The following ANKHD1 variants were observed in gnomAD, a reference collection of about 807,000 sequenced individuals.
ANKHD1 encodes ankyrin repeat and KH domain-containing protein 1.
In ANKHD1, 31 loss-of-function variants were observed where a neutral mutation model predicts 230.5. The observed-to-expected ratio is 0.13, with a 90% CI of 0.10 to 0.18. The LOEUF (loss-of-function observed/expected upper bound fraction) is 0.18, where lower values mean the gene tolerates loss of function less well. Ranked by LOEUF, ANKHD1 falls within the 10% of genes least tolerant of loss-of-function variation. The probability of loss-of-function intolerance (pLI) is 1.00; values close to 1 mark genes in which losing one functional copy is unlikely to be tolerated. For synonymous variants in ANKHD1, 1,074 were observed against 1,117.6 expected (o/e 0.96, Z 0.78); for missense variants, 2,256 against 3,071.3 (o/e 0.73, Z 6.27).
chr5:140,485,206 G>A lies in ANKHD1; in HGVS notation c.1956G>A (p.Glu652=), dbSNP rs1165618662. The A allele has an allele frequency of 6.2e-7, 1 of 1,613,906 alleles. No individual in the cohort carries two copies. Among genetic ancestry groups the A allele is most frequent in the Non-Finnish European group, 8.5e-7 (1 of 1,179,910 alleles). The stretch of plus-strand genomic sequence containing the variant: ...CAGGAGGCCACCTGGCAGTTGTTGA[G>A]CTTCTCTTGGCTCATGGGGCTGACC... The part of the protein sequence containing the change: ...ACAGGHLAVV[E]LLLAHGADPT... The change falls in exon 12 of 34, where the codon GAG becomes GAA. Residue 652 remains glutamate (E), a synonymous_variant. Coordinates refer to ENST00000360839, the MANE Select transcript of ANKHD1 (RefSeq NM_017747.3). The surrounding 1 kb of genome is among the most constrained non-coding windows in gnomAD (Gnocchi z 4.8).
chr5:140,479,854 C>A (rs1751188073), intron 10 of ANKHD1, among the ~76,000 whole-genome samples: 1 of 149,386 alleles, frequency 6.7e-6, no homozygotes, highest in South Asian at 2.1e-4. Context: ...ATAATGGGAA[C>A]CAATAATGGG....
intron 23 of ANKHD1, 87 bp from the exon 24 acceptor site, chr5:140,513,276 A>T: frequency 7.5e-7 from 1 of 1,333,336 alleles, no homozygotes; most frequent in Non-Finnish European, 1.0e-6. Context: ...TTTGAACTTT[A>T]ACCTCTGGAC....
At chr5:140,405,948 T>C (rs1770401445) in intron 1 of ANKHD1, among the ~76,000 whole-genome samples, 1 of 151,662 alleles carries the variant, frequency 6.6e-6, no homozygotes, top group African/African-American at 2.4e-5. Flanking sequence ...TTTTCCTAAA[T>C]ATTTATAACC....
In ANKHD1 at chr5:140,402,271, G is replaced by A. The variant is rs1263081231; in HGVS notation, c.304G>A (p.Glu102Lys). 6 of 1,486,334 alleles carry A rather than the reference G, an allele frequency of 4.0e-6. No individual in the cohort carries two copies. The highest frequency in any genetic ancestry group is 5.3e-6 in the Non-Finnish European group (6 of 1,124,612). 92.1% of individuals were successfully genotyped at this position (1,486,334 alleles called of 1,614,324 possible). ...TGGCAGTGACGAGGACGAAGTGTCC[G>A]AGGTAAGGCTCCGGGACCCTCGCCT... ...ASGSDEDEVS[E>K]VESFILDQED... Residue 102 changes from glutamate (E) to lysine (K), a missense_variant and splice_region_variant, in exon 1 of 34, where the codon GAG becomes AAG. Glu to Lys is a moderately conservative substitution (Grantham distance 56). Coordinates refer to ENST00000360839, the MANE Select transcript of ANKHD1 (RefSeq NM_017747.3).
intron 10 of ANKHD1, among the ~76,000 whole-genome samples, chr5:140,479,746 T>TTA (rs775107488): frequency 9.2e-4 from 133 of 144,802 alleles, no homozygotes; most frequent in Middle Eastern, 7.8e-3. Context: ...ATATATATAC[T>TTA]TATATATATA....
At chr5:140,451,772 T>C (rs1561743145) in intron 7 of ANKHD1, among the ~76,000 whole-genome samples, 1 of 152,200 alleles carries the variant, frequency 6.6e-6, no homozygotes, top group Non-Finnish European at 1.5e-5. Context: ...CTTCCCAAAG[T>C]GCTGGGGTTA....
intron 3 of ANKHD1, among the ~76,000 whole-genome samples, chr5:140,439,069 G>A (rs141742738): frequency 3.7e-4 from 57 of 152,054 alleles, no homozygotes; most frequent in African/African-American, 1.3e-3. Context: ...GCAGAATCCC[G>A]GGCCCTACTC....
At chr5:140,435,256 T>G (rs1356118702) in intron 1 of ANKHD1, among the ~76,000 whole-genome samples, 1 of 152,196 alleles carries the variant, frequency 6.6e-6, no homozygotes, top group African/African-American at 2.4e-5. Context: ...TTTCTCTTAA[T>G]GACCTATCTA....
At chr5:140,462,428 A>G (rs1160707619) in intron 9 of ANKHD1, among the ~76,000 whole-genome samples, 1 of 152,116 alleles carries the variant, frequency 6.6e-6, no homozygotes, top group Non-Finnish European at 1.5e-5. Context: ...AATACAAATC[A>G]TCATATAAAA....
rs550497215 is a variant in ANKHD1, at chr5:140,446,029, T to C, written c.1147+54T>C. On this transcript the variant is annotated intron_variant, in intron 6 of 33. Coordinates refer to ENST00000360839, the MANE Select transcript of ANKHD1 (RefSeq NM_017747.3). Reference sequence around the variant, plus strand: ...ATGTTTTTCGTAACCACTTTGATTATTTGAGTATTGAGTATTTGAGTTTAC... The same window carrying C: ...ATGTTTTTCGTAACCACTTTGATTACTTGAGTATTGAGTATTTGAGTTTAC... 2.7e-5 allele frequency: 40 copies of C among 1,475,086 alleles called. No homozygotes were observed. The East Asian group carries it at 9.3e-4, about 34-fold the overall frequency. The allele number at this position is 1,475,086 out of a possible 1,614,324, so 91.4% of individuals were successfully genotyped here. A position where few individuals can be genotyped will look rare whatever the true frequency, so the allele number is the denominator to read the frequency against.
In ANKHD1 at chr5:140,528,461, G is replaced by C; in HGVS notation, c.5515G>C (p.Val1839Leu). 1 of 1,614,120 alleles carries C rather than the reference G, an allele frequency of 6.2e-7. No homozygotes were observed. ...ACTTAATAAGAATGTTCCAACAAAT[G>C]TACGTTCTTCTTTCCCAGTTTCTCT... is the stretch of plus-strand genomic sequence containing the variant. ...NKLNKNVPTN[V>L]RSSFPVSLPL... is the part of the protein sequence containing the mutation. The change falls in exon 29 of 34, where the codon GTA (valine) becomes CTA (leucine). Residue 1839 changes from valine to leucine, a missense_variant. Coordinates refer to ENST00000360839, the MANE Select transcript of ANKHD1 (RefSeq NM_017747.3).
chr5:140,453,781 A>G (rs1201222177), intron 7 of ANKHD1, among the ~76,000 whole-genome samples: 2 of 152,158 alleles, frequency 1.3e-5, no homozygotes, highest in Non-Finnish European at 2.9e-5. Flanking sequence ...AAAGACCATC[A>G]AGGCTAGGAA....
chr5:140,485,523 GTT>G lies in ANKHD1; in HGVS notation c.1999-63_1999-62del. 2 of 1,593,694 alleles carry G rather than the reference GTT, an allele frequency of 1.3e-6. No homozygotes were observed. Among genetic ancestry groups the G allele is most frequent in the East Asian group, 2.2e-5 (1 of 44,588 alleles). On this transcript the variant is annotated intron_variant, in intron 12 of 33. Coordinates refer to ENST00000360839, the MANE Select transcript of ANKHD1 (RefSeq NM_017747.3). This position sits in a 1 kb window ranked among gnomAD's most constrained non-coding sequence, Gnocchi z 4.8. The stretch of plus-strand genomic sequence containing the variant: ...TTAGTATTTAATACTGTTTAAATGA[GTT>G]TTGATTTTATATGAGCTGCTAAGAA...
intron 3 of ANKHD1, 42 bp from the exon 4 acceptor site, chr5:140,440,077 G>A (rs1246693328): frequency 1.3e-6 from 2 of 1,519,068 alleles, no homozygotes; most frequent in Admixed American, 2.1e-5. Context: ...GGACCCCCGA[G>A]TCTTTTTGTT....
Position 140,538,114 on chromosome 5 carries a change from G to A in ANKHD1, c.7257G>A (p.Val2419=). ...SEGLSGWSQS[V]MGNHPMHQQL... Reference sequence around the variant, plus strand: ...GCTTATCAGGTTGGTCGCAATCTGTGATGGGGAACCATCCAATGCATCAAC... The same window carrying A: ...GCTTATCAGGTTGGTCGCAATCTGTAATGGGGAACCATCCAATGCATCAAC... Residue 2419 remains valine, a synonymous_variant, in exon 32 of 34, where the codon GTG becomes GTA. Transcript: ENST00000360839. The A allele has an allele frequency of 6.2e-7, 1 of 1,613,532 alleles. No individual in the cohort carries two copies. Among genetic ancestry groups the A allele is most frequent in the Non-Finnish European group, 8.5e-7 (1 of 1,179,754 alleles).
chr5:140,519,469 A>G (rs866316636), intron 24 of ANKHD1, among the ~76,000 whole-genome samples: 1 of 152,220 alleles, frequency 6.6e-6, no homozygotes, highest in African/African-American at 2.4e-5. Context: ...CACATCGCCA[A>G]GTCAGTCCTA....
Position 140,525,883 on chromosome 5 carries a change from AG to A in ANKHD1, c.4493-111del, listed in dbSNP as rs1179576168. On this transcript the variant is annotated intron_variant, in intron 25 of 33. Transcript: ENST00000360839. ...TTATTTCTTAGTGAATACTGGTGAA[AG>A]GAAAATATGATGTAAAACACTGAAT... is the stretch of plus-strand genomic sequence containing the variant. 13 of 1,304,088 alleles carry A rather than the reference AG, an allele frequency of 1.0e-5. No individual in the cohort carries two copies. In the African/African-American group the frequency reaches 1.4e-4, roughly 14 times the overall value. 80.8% of individuals were successfully genotyped at this position (1,304,088 alleles called of 1,614,324 possible).
intron 10 of ANKHD1, among the ~76,000 whole-genome samples, chr5:140,480,719 A>G (rs188838555): frequency 1.0e-3 from 157 of 152,174 alleles, no homozygotes; most frequent in Middle Eastern, 6.8e-3. Context: ...AAAAACTTCA[A>G]ACCTCAGTGC....
intron 24 of ANKHD1, among the ~76,000 whole-genome samples, chr5:140,517,974 A>T (rs1258315036): frequency 9.2e-5 from 14 of 152,170 alleles, no homozygotes; most frequent in Non-Finnish European, 1.5e-5. Flanking sequence ...GACACAAAAA[A>T]ACCCTTCAAA....
Sources: allele counts gnomAD v4.1 joint callset (sites outside exome capture counted in the v4.1 genomes callset), GRCh38; gene constraint gnomAD v4.1.1; non-coding constraint Gnocchi (gnomAD v3.1); transcripts MANE v1.5; gene names NCBI Gene and HGNC (gene_info 2026-07-23, HGNC 2026-07-21).